Variants in GUCY1A2 observed in about 807,000 individuals in gnomAD.
GUCY1A2 encodes guanylate cyclase soluble subunit alpha-2.
In GUCY1A2, 27 loss-of-function variants were observed where a neutral mutation model predicts 63.5. That is an observed-to-expected ratio of 0.43 (90% CI 0.31 to 0.59). The LOEUF is 0.59. Among genes scored for constraint, GUCY1A2 ranks in the 20% least tolerant of loss-of-function variants. GUCY1A2 has a pLI of 0.11. For synonymous variants in GUCY1A2, 364 were observed against 343.5 expected, an observed-to-expected ratio of 1.06 and a Z score of -0.66; for missense variants, 768 against 913.3, an observed-to-expected ratio of 0.84 and a Z score of 2.05.
chr11:106,823,982 T>C (rs1466451160), intron 4 of GUCY1A2: 3 of 740,884 alleles, frequency 4.0e-6, no homozygotes, highest in South Asian at 3.3e-5. Context: ...ACTGCGCATA[T>C]AGTTATTGCT....
chr11:106,743,023 A>G (rs1863722928), intron 6 of GUCY1A2, among the ~76,000 whole-genome samples: 1 of 152,214 alleles, frequency 6.6e-6, no homozygotes, highest in Non-Finnish European at 1.5e-5. Flanking sequence ...ACACCACTAA[A>G]TTGCTACTAC....
rs2119985979 is a variant in GUCY1A2, at chr11:106,942,670, T to C, written c.488-2492A>G. Reference sequence around the variant, plus strand: ...TTCTAACTTGCATTTTTCATAACATTGAAAAGGTCCTCACAGTTATGGTGC... The same window carrying C: ...TTCTAACTTGCATTTTTCATAACATCGAAAAGGTCCTCACAGTTATGGTGC... On this transcript the variant is annotated intron_variant, in intron 3 of 7. Coordinates refer to ENST00000526355, the MANE Select transcript of GUCY1A2 (RefSeq NM_000855.3). Among the ~76,000 whole-genome samples the C allele has an allele frequency of 1.3e-5, 2 of 152,290 alleles. 1 individual carries two copies. The highest frequency in any genetic ancestry group is 6.8e-3 in the Middle Eastern group (2 of 294).
At chr11:106,965,406 T>C (rs1861114749) in intron 3 of GUCY1A2, among the ~76,000 whole-genome samples, 1 of 152,200 alleles carries the variant, frequency 6.6e-6, no homozygotes, top group South Asian at 2.1e-4. Flanking sequence ...TATACATACA[T>C]ATGTATACAT....
intron 4 of GUCY1A2, among the ~76,000 whole-genome samples, chr11:106,861,088 G>A (rs1859505345): frequency 6.6e-6 from 1 of 151,906 alleles, no homozygotes; most frequent in African/African-American, 2.4e-5. Context: ...CAATGTGCTT[G>A]AGTCCTCGCT....
intron 5 of GUCY1A2, among the ~76,000 whole-genome samples, chr11:106,783,243 G>A (rs977182402): frequency 2.0e-5 from 3 of 152,150 alleles, no homozygotes; most frequent in African/African-American, 7.2e-5. Flanking sequence ...CAAAGTGATG[G>A]GCATGTTCAT....
intron 4 of GUCY1A2, among the ~76,000 whole-genome samples, chr11:106,852,738 G>A (rs1489539098): frequency 6.6e-6 from 1 of 152,056 alleles, no homozygotes; most frequent in Non-Finnish European, 1.5e-5. Flanking sequence ...TTGCATCTTT[G>A]TCCATCAGGA....
intron 5 of GUCY1A2, among the ~76,000 whole-genome samples, chr11:106,808,221 AAGTTT>A (rs10617505): frequency 0.15 from 22,625 of 152,036 alleles, 1,731 homozygotes; most frequent in Middle Eastern, 0.19. Context: ...TTTCCTAAAC[AAGTTT>A]AGTTTAAGAA....
intron 1 of GUCY1A2, among the ~76,000 whole-genome samples, chr11:107,000,967 T>C (rs1861605548): frequency 6.6e-6 from 1 of 152,198 alleles, no homozygotes; most frequent in Non-Finnish European, 1.5e-5. Context: ...ACAAGATATT[T>C]ATTTCCTTTT....
chr11:106,849,186 G>A (rs1229142281), intron 4 of GUCY1A2, among the ~76,000 whole-genome samples: 3 of 151,284 alleles, frequency 2.0e-5, no homozygotes, highest in Admixed American at 6.6e-5. Context: ...CTGGTGTAGA[G>A]ACTGGCATTA....
intron 6 of GUCY1A2, among the ~76,000 whole-genome samples, chr11:106,721,490 C>T (rs1169031954): frequency 6.6e-6 from 1 of 152,168 alleles, no homozygotes. Flanking sequence ...AATGAGTCAA[C>T]CAACCGATAA....
intron 6 of GUCY1A2, among the ~76,000 whole-genome samples, chr11:106,752,423 G>T (rs955192902): frequency 3.3e-5 from 5 of 152,084 alleles, no homozygotes; most frequent in Non-Finnish European, 5.9e-5. Context: ...ATGCAGTTTT[G>T]TTACATAGGT....
chr11:106,733,832 G>A (rs1863543955), intron 6 of GUCY1A2, among the ~76,000 whole-genome samples: 1 of 152,082 alleles, frequency 6.6e-6, no homozygotes, highest in Admixed American at 6.6e-5. Context: ...GCCCAAACTT[G>A]GATATCGAAG....
In GUCY1A2 at chr11:106,792,385, C is replaced by CA. The variant is rs60149576; in HGVS notation, c.1693-15804dup. Among the ~76,000 whole-genome samples the CA allele has an allele frequency of 3.6e-3, 306 of 84,664 alleles. 5 individuals carry two copies. The highest frequency in any genetic ancestry group is 1.0e-2 in the African/African-American group (226 of 22,622). 55.5% of individuals were successfully genotyped at this position (84,664 alleles called of 152,430 possible). On this transcript the variant is annotated intron_variant, in intron 5 of 7. Coordinates refer to ENST00000526355, the MANE Select transcript of GUCY1A2 (RefSeq NM_000855.3). ...TGGGCAACAGAGTGAGACTCCATCT[C>CA]AAAAAAAAAAAAAAAAAAAGCTTAC... is the stretch of plus-strand genomic sequence containing the variant.
intron 4 of GUCY1A2, among the ~76,000 whole-genome samples, chr11:106,928,525 G>A (rs560817001): frequency 1.7e-4 from 25 of 149,636 alleles, no homozygotes; most frequent in African/African-American, 4.4e-4. Flanking sequence ...TAGGAAAAAC[G>A]GAAAACGAAC....
At chr11:106,942,490 GAATA>G (rs767033706) in intron 3 of GUCY1A2, among the ~76,000 whole-genome samples, 5 of 152,012 alleles carry the variant, frequency 3.3e-5, no homozygotes, top group African/African-American at 7.2e-5. Flanking sequence ...ACTAAATACA[GAATA>G]AATAAAAATT....
chr11:106,970,082 T>G, intron 3 of GUCY1A2, among the ~76,000 whole-genome samples: 1 of 152,190 alleles, frequency 6.6e-6, no homozygotes, highest in African/African-American at 2.4e-5. Flanking sequence ...TTTAGTTAAG[T>G]GAGTTTGACT....
intron 6 of GUCY1A2, among the ~76,000 whole-genome samples, chr11:106,767,599 A>C (rs1264473603): frequency 6.6e-6 from 1 of 152,128 alleles, no homozygotes; most frequent in Admixed American, 6.6e-5. Context: ...GATAAAAGCT[A>C]AAATAAACTA....
At chr11:106,726,216 A>G (rs1226424635) in intron 6 of GUCY1A2, among the ~76,000 whole-genome samples, 2 of 152,086 alleles carry the variant, frequency 1.3e-5, no homozygotes, top group African/African-American at 4.8e-5. Flanking sequence ...GGAGTTTGAG[A>G]CCAGCCTGAC....
intron 4 of GUCY1A2, among the ~76,000 whole-genome samples, chr11:106,897,275 C>T (rs1860063625): frequency 6.6e-6 from 1 of 152,146 alleles, no homozygotes; most frequent in Non-Finnish European, 1.5e-5. Context: ...TTCTTCCCCA[C>T]TTGCTCTATA....
Sources: gnomAD v4.1 joint callset for allele counts (sites outside exome capture counted in the v4.1 genomes callset) on GRCh38, gnomAD v4.1.1 for gene constraint, MANE v1.5 for transcripts, NCBI Gene and HGNC (gene_info 2026-07-23, HGNC 2026-07-21) for gene names.